The following SDHAF4 variants were observed in gnomAD, a reference collection of about 807,000 sequenced individuals.
SDHAF4 encodes the protein succinate dehydrogenase assembly factor 4, mitochondrial.
Under a neutral mutation model 14.3 loss-of-function variants are expected in SDHAF4, and 14 were observed. The observed-to-expected ratio is 0.98, with a 90% CI of 0.65 to 1.53. SDHAF4 has a LOEUF of 1.53. Among genes scored for constraint, SDHAF4 ranks in the 40% most tolerant of loss-of-function variants. The pLI is 0.00. For missense variants in SDHAF4, 141 were observed against 129.3 expected, an observed-to-expected ratio of 1.09 and a Z score of -0.44; for synonymous variants, 63 against 47.3, an observed-to-expected ratio of 1.33 and a Z score of -1.36.
chr6:70,578,769 AG>A (rs1248131633), intron 1 of SDHAF4, among the ~76,000 whole-genome samples: 1 of 152,200 alleles, frequency 6.6e-6, no homozygotes, highest in African/African-American at 2.4e-5. Flanking sequence ...GGTGACAAAT[AG>A]GGGTCCAGTT....
rs540048660 is a variant in SDHAF4 at position 70,578,272 on chromosome 6, T to G, written c.65-1142T>G. Reference sequence around the variant, plus strand: ...ACTTTTTAATAATAGCCATTCTGACTGATGTGACATGGTCTCTCATTATGA... The same window carrying G: ...ACTTTTTAATAATAGCCATTCTGACGGATGTGACATGGTCTCTCATTATGA... On this transcript the variant is annotated intron_variant, in intron 1 of 2. Transcript: ENST00000370474. Among the ~76,000 whole-genome samples the G allele has an allele frequency of 2.6e-5, 4 of 152,350 alleles. No individual in the cohort carries two copies. In the South Asian group the frequency reaches 8.3e-4, roughly 32 times the overall value.
chr6:70,581,365 AC>A (rs1389105815), intron 2 of SDHAF4, among the ~76,000 whole-genome samples: 2 of 152,212 alleles, frequency 1.3e-5, no homozygotes, highest in African/African-American at 4.8e-5. Context: ...CATCTATTTG[AC>A]ATAATGGTAG....
intron 1 of SDHAF4, among the ~76,000 whole-genome samples, chr6:70,570,728 T>C (rs191992314): frequency 2.9e-3 from 439 of 152,334 alleles, no homozygotes; most frequent in Non-Finnish European, 5.3e-3. Flanking sequence ...TGCATTTCTT[T>C]TTATCATTAA....
downstream of SDHAF4, among the ~76,000 whole-genome samples, chr6:70,589,722 ACT>A (rs1288635324): frequency 2.0e-5 from 3 of 152,072 alleles, no homozygotes; most frequent in Non-Finnish European, 2.9e-5. Context: ...TCAAATTCTG[ACT>A]CTACTTCTTA....
intron 1 of SDHAF4, among the ~76,000 whole-genome samples, chr6:70,567,972 A>G (rs865960461): frequency 4.6e-5 from 7 of 152,226 alleles, no homozygotes; most frequent in African/African-American, 7.2e-5. Context: ...GGCGTGAGCC[A>G]CCGCGCCCGG....
chr6:70,571,936 T>A (rs566272430), intron 1 of SDHAF4, among the ~76,000 whole-genome samples: 15 of 152,174 alleles, frequency 9.9e-5, no homozygotes, highest in African/African-American at 2.6e-4. Context: ...GGTATTTTTT[T>A]AAAATTTTCT....
rs7752676 is a variant in SDHAF4, at chr6:70,574,259, G to T, written c.65-5155G>T. Among the ~76,000 whole-genome samples the T allele has an allele frequency of 5.3e-5, 8 of 151,830 alleles. No individual in the cohort carries two copies. In the East Asian group the frequency reaches 5.9e-4, roughly 11 times the overall value. On this transcript the variant is annotated intron_variant, in intron 1 of 2. Coordinates refer to ENST00000370474, the MANE Select transcript of SDHAF4 (RefSeq NM_145267.3). ...CGCTTGATCCCGGGAGGTGGAGGTT[G>T]CAGTGAGCTGAGATCACACCACTGC...
intron 2 of SDHAF4, among the ~76,000 whole-genome samples, chr6:70,585,732 G>T (rs1211502403): frequency 6.6e-6 from 1 of 152,230 alleles, no homozygotes; most frequent in Non-Finnish European, 1.5e-5. Flanking sequence ...ACAGAATGCT[G>T]ATGAGTATGG....
downstream of SDHAF4, among the ~76,000 whole-genome samples, chr6:70,591,715 T>C (rs1765260475): frequency 1.3e-5 from 2 of 152,186 alleles, no homozygotes; most frequent in Admixed American, 1.3e-4. Flanking sequence ...TAGTTGAAAA[T>C]AGTGATTATT....
intron 1 of SDHAF4, among the ~76,000 whole-genome samples, chr6:70,574,497 GTCTT>G (rs1371363338): frequency 1.3e-5 from 2 of 151,976 alleles, no homozygotes; most frequent in Non-Finnish European, 2.9e-5. Flanking sequence ...TTCCTTAACT[GTCTT>G]TCTTCTAGTT....
intron 1 of SDHAF4, among the ~76,000 whole-genome samples, chr6:70,575,530 AC>A (rs1802243144): frequency 6.7e-6 from 1 of 149,028 alleles, no homozygotes. Flanking sequence ...CTTTGTGTTC[AC>A]CTCACTGGAC....
At chr6:70,567,714 C>A (rs1013943032) in intron 1 of SDHAF4, 3 of 152,066 alleles carry the variant, frequency 2.0e-5, no homozygotes, top group African/African-American at 7.2e-5. Context: ...GAGATGGAGT[C>A]TCGCTCTGTC....
chr6:70,598,205 C>G, the SDHAF4 span, among the ~76,000 whole-genome samples: 2 of 151,994 alleles, frequency 1.3e-5, no homozygotes, highest in African/African-American at 4.8e-5. Flanking sequence ...TGGTGAAACC[C>G]TGTTCTACTA....
At chr6:70,591,873 G>T (rs775196269), downstream of SDHAF4, among the ~76,000 whole-genome samples, 1 of 152,210 alleles carries the variant, frequency 6.6e-6, no homozygotes, top group Non-Finnish European at 1.5e-5. Flanking sequence ...TTTAAGAGGT[G>T]ATTGGCCTTT....
At chr6:70,579,998 A>G (rs1172280469) in intron 2 of SDHAF4, among the ~76,000 whole-genome samples, 1 of 152,180 alleles carries the variant, frequency 6.6e-6, no homozygotes, top group Non-Finnish European at 1.5e-5. Flanking sequence ...ACGAAAAGTC[A>G]AAAATAGCAA....
chr6:70,578,883 G>A (rs1387579743), intron 1 of SDHAF4, among the ~76,000 whole-genome samples: 1 of 152,070 alleles, frequency 6.6e-6, no homozygotes, highest in South Asian at 2.1e-4. Context: ...GTCTCACTAT[G>A]TTACCCAGAC....
At chr6:70,571,767 GTTC>G (rs753486575) in intron 1 of SDHAF4, among the ~76,000 whole-genome samples, 138 of 152,250 alleles carry the variant, frequency 9.1e-4, no homozygotes, top group Admixed American at 2.5e-3. Flanking sequence ...GTCTAGACCT[GTTC>G]TTCTCTTCGA....
At chr6:70,572,058 C>CTTTTTTTTTTTTTTTT (rs66688860) in intron 1 of SDHAF4, among the ~76,000 whole-genome samples, 1 of 53,506 alleles carries the variant, frequency 1.9e-5, no homozygotes, top group Admixed American at 3.0e-4. Context: ...CTTTTTTTGT[C>CTTTTTTTTTTTTTTTT]TTTTTTTTTT....
intron 1 of SDHAF4, among the ~76,000 whole-genome samples, chr6:70,572,762 T>C (rs1802201440): frequency 6.6e-6 from 1 of 152,136 alleles, no homozygotes; most frequent in Admixed American, 6.6e-5. Context: ...CTCTTTACCC[T>C]TATAATTACT....
Sources: gnomAD v4.1 joint callset for allele counts (sites outside exome capture counted in the v4.1 genomes callset) on GRCh38, gnomAD v4.1.1 for gene constraint, MANE v1.5 for transcripts, NCBI Gene and HGNC (gene_info 2026-07-23, HGNC 2026-07-21) for gene names.